The following NWD1 variants were observed in gnomAD, a reference collection of about 807,000 sequenced individuals.
NWD1 encodes the protein NACHT and WD repeat domain containing 1.
Under a neutral mutation model 135.1 loss-of-function variants are expected in NWD1, and 129 were observed. The ratio of observed to expected loss-of-function variants is 0.96; its 90% CI spans 0.83 to 1.11. NWD1 has a LOEUF of 1.11. Among genes scored for constraint, NWD1 ranks in the 50% least tolerant of loss-of-function variants. The pLI is 0.00. For synonymous variants in NWD1, 773 were observed against 786.0 expected (o/e 0.98, Z 0.28); for missense variants, 1,740 against 1,851.3 (o/e 0.94, Z 1.10).
At chr19:16,807,170 CA>C (rs111687474) in intron 17 of NWD1, among the ~76,000 whole-genome samples, 14,815 of 99,716 alleles carry the variant, frequency 0.15, 1,450 homozygotes, top group African/African-American at 0.32. Context: ...AATACTGTCT[CA>C]AAAAAAAAAA....
At chr19:16,772,855 G>C (rs1010371684) in intron 10 of NWD1, among the ~76,000 whole-genome samples, 1 of 151,748 alleles carries the variant, frequency 6.6e-6, no homozygotes, top group Non-Finnish European at 1.5e-5. Flanking sequence ...GGAAGGGAGA[G>C]AGGGAGAGAA....
chr19:16,808,224 G>C, intron 18 of NWD1, 88 bp downstream of exon 18: 2 of 1,259,666 alleles, frequency 1.6e-6, no homozygotes, highest in Middle Eastern at 2.7e-4. Context: ...CACACCATGG[G>C]CCATCGACCA....
At chr19:16,745,692 A>T (rs1409216375) in intron 5 of NWD1, among the ~76,000 whole-genome samples, 1 of 152,066 alleles carries the variant, frequency 6.6e-6, no homozygotes, top group Admixed American at 6.6e-5. Flanking sequence ...GTAAGCCAAG[A>T]TCATGCCACT....
At chr19:16,735,849 G>GGAA (rs1967783564) in intron 3 of NWD1, among the ~76,000 whole-genome samples, 3 of 51,140 alleles carry the variant, frequency 5.9e-5, no homozygotes, top group African/African-American at 2.4e-4. Context: ...AAGGAAGGAA[G>GGAA]GAAGGAAGGA....
intron 7 of NWD1, among the ~76,000 whole-genome samples, chr19:16,761,102 G>A (rs1397517516): frequency 4.6e-5 from 7 of 152,086 alleles, no homozygotes; most frequent in African/African-American, 9.7e-5. Context: ...TCAGATCAAC[G>A]AAATCTCACA....
In NWD1 at chr19:16,797,611, G is replaced by A. The variant is rs974169140; in HGVS notation, c.3305-121G>A. 4 of 899,442 alleles carry A rather than the reference G, an allele frequency of 4.4e-6. No individual in the cohort carries two copies. In the South Asian group the frequency reaches 4.9e-5, roughly 11 times the overall value. 55.7% of individuals were successfully genotyped at this position (899,442 alleles called of 1,614,324 possible). On this transcript the variant is annotated intron_variant, in intron 15 of 18. Coordinates refer to ENST00000524140, the MANE Select transcript of NWD1 (RefSeq NM_001007525.5). ...GATCTGCCCGCCTTGGCGTCCCAAA[G>A]TGCTGGGATTACAGGCATGAACCAC...
chr19:16,779,270 A>T, intron 11 of NWD1, 73 bp from the exon 12 acceptor site: 1 of 1,566,192 alleles, frequency 6.4e-7, no homozygotes, highest in Non-Finnish European at 8.8e-7. Context: ...TGGGGGGCTC[A>T]TTAGAGGACC....
chr19:16,748,199 G>C (rs747793939), intron 5 of NWD1, among the ~76,000 whole-genome samples: 2 of 152,030 alleles, frequency 1.3e-5, no homozygotes, highest in Non-Finnish European at 2.9e-5. Context: ...GGCCAGGCTG[G>C]TCTCAAACTC....
chr19:16,757,012 T>C (rs931108662), intron 6 of NWD1, among the ~76,000 whole-genome samples: 2 of 152,136 alleles, frequency 1.3e-5, no homozygotes, highest in Non-Finnish European at 2.9e-5. Flanking sequence ...CAGATGGGAC[T>C]GTCTACTTTC....
chr19:16,766,016 CAA>C (rs35265751), intron 10 of NWD1, among the ~76,000 whole-genome samples: 36 of 91,750 alleles, frequency 3.9e-4, no homozygotes, highest in Admixed American at 1.1e-3. Flanking sequence ...GACTCCGTCT[CAA>C]AAAAAAAAAA....
chr19:16,760,229 C>CATTTTATTTT (rs59527287), intron 7 of NWD1, among the ~76,000 whole-genome samples: 20,862 of 143,734 alleles, frequency 0.15, 1,644 homozygotes, highest in Non-Finnish European at 0.17. Context: ...TAAAATTCAC[C>CATTTTATTTT]ATTTTATTTT....
In NWD1 at chr19:16,771,959, G is replaced by A. The variant is rs148027502; in HGVS notation, c.2411-1167G>A. On this transcript the variant is annotated intron_variant, in intron 10 of 18. Coordinates refer to ENST00000524140, the MANE Select transcript of NWD1 (RefSeq NM_001007525.5). ...TACAGGCCTGCGCGCCACCATGCTC[G>A]GCTAATTTTTCTTAATAGCCCATTT... 2.4e-4 allele frequency among the ~76,000 whole-genome samples: 36 copies of A among 151,408 alleles called. No individual in the cohort carries two copies. In the East Asian group the frequency reaches 6.6e-3, roughly 28 times the overall value.
intron 10 of NWD1, among the ~76,000 whole-genome samples, chr19:16,767,810 C>A (rs1156263292): frequency 2.0e-5 from 3 of 151,950 alleles, no homozygotes; most frequent in Non-Finnish European, 4.4e-5. Context: ...TCTCCCTTCA[C>A]CCCAGTCCCT....
intron 10 of NWD1, among the ~76,000 whole-genome samples, chr19:16,765,909 C>G (rs909520084): frequency 9.4e-5 from 14 of 149,692 alleles, no homozygotes; most frequent in African/African-American, 3.4e-4. Context: ...CCCAGCTACT[C>G]GGGAGGCTGA....
chr19:16,759,219 C>T lies in NWD1; in HGVS notation c.1770-6C>T, dbSNP rs1968913882. ...TGCCTCAAAGCCCCACTGGTCCTCC[C>T]TTCAGACACGGTCTCTCGGAGGCGG... On this transcript the variant is annotated splice_region_variant and splice_polypyrimidine_tract_variant and intron_variant, in intron 6 of 18. Transcript: ENST00000524140. 6.2e-7 allele frequency: 1 copy of T among 1,612,646 alleles called. No homozygotes were observed. The highest frequency in any genetic ancestry group is 1.3e-5 in the African/African-American group (1 of 74,886).
chr19:16,738,390 G>A, intron 4 of NWD1: 1 of 263,092 alleles, frequency 3.8e-6, no homozygotes, highest in South Asian at 3.1e-5. Context: ...GCAACATGGT[G>A]AAACCCCATC....
At chr19:16,744,853 G>A (rs1968240556) in intron 5 of NWD1, 135 bp downstream of exon 5, 11 of 746,726 alleles carry the variant, frequency 1.5e-5, no homozygotes, top group African/African-American at 3.5e-5. Context: ...CTGGTCCCTC[G>A]GCTCTGAGAA....
intron 17 of NWD1, 142 bp downstream of exon 17, chr19:16,800,304 CG>C (rs1970565496): frequency 1.3e-6 from 1 of 797,842 alleles, no homozygotes; most frequent in Admixed American, 2.5e-5. Context: ...GAGGCCTTGG[CG>C]GGTGGATCAC....
chr19:16,746,841 G>A (rs1968342272), intron 5 of NWD1, among the ~76,000 whole-genome samples: 1 of 151,948 alleles, frequency 6.6e-6, no homozygotes. Flanking sequence ...AAACATAAGT[G>A]GATCATCAGT....
Sources: allele counts gnomAD v4.1 joint callset (sites outside exome capture counted in the v4.1 genomes callset), GRCh38; gene constraint gnomAD v4.1.1; transcripts MANE v1.5; gene names NCBI Gene and HGNC (gene_info 2026-07-23, HGNC 2026-07-21).